MYO18B: variants seen among roughly 807,000 people sequenced by gnomAD.
The protein encoded by MYO18B is unconventional myosin-XVIIIb.
MYO18B carries 204 observed loss-of-function variants against 273.0 expected under a neutral mutation model. The ratio of observed to expected loss-of-function variants is 0.75; its 90% CI spans 0.67 to 0.84. The LOEUF (loss-of-function observed/expected upper bound fraction) is 0.84, where lower values mean the gene tolerates loss of function less well. Ranked by LOEUF, MYO18B falls within the 40% of genes least tolerant of loss-of-function variation. The pLI, the probability that MYO18B is intolerant of heterozygous loss-of-function variation, is 0.00. For missense variants in MYO18B, 3,212 were observed against 3,287.6 expected (o/e 0.98, Z 0.56); for synonymous variants, 1,330 against 1,305.7 (o/e 1.02, Z -0.40).
intron 38 of MYO18B, among the ~76,000 whole-genome samples, 183 bp downstream of exon 38, chr22:25,952,606 TA>T (rs1483602031): frequency 1.3e-5 from 2 of 152,286 alleles, no homozygotes; most frequent in East Asian, 3.9e-4. Context: ...TCAAGCCACC[TA>T]CCCATTTACC....
At chr22:25,745,170 C>T (rs929204208) in intron 1 of MYO18B, among the ~76,000 whole-genome samples, 1 of 152,100 alleles carries the variant, frequency 6.6e-6, no homozygotes, top group African/African-American at 2.4e-5. Flanking sequence ...TGTGCAGTGG[C>T]CCAATCTCGG....
chr22:25,745,367 C>T (rs2085746599), intron 1 of MYO18B, among the ~76,000 whole-genome samples: 1 of 152,098 alleles, frequency 6.6e-6, no homozygotes, highest in Non-Finnish European at 1.5e-5. Context: ...ACCTCAGCCT[C>T]CCAAAGTGTT....
chr22:25,769,201 C>A lies in MYO18B; in HGVS notation c.1285C>A (p.Pro429Thr). The change falls in exon 4 of 44, where the codon CCA (proline) becomes ACA (threonine). Residue 429 changes from proline (P) to threonine (T), a missense_variant. By Grantham distance (38) the Pro-to-Thr change is conservative. Transcript: ENST00000335473. ...PKEVSTMVESPAAPGKGGWPG... is the reference protein window; with the variant it reads ...PKEVSTMVESTAAPGKGGWPG... ...GGAGGTGAGCACAATGGTGGAGTCG[C>A]CAGCAGCTCCTGGGAAGGGAGGCTG... The A allele has an allele frequency of 6.2e-7, 1 of 1,607,804 alleles. No individual in the cohort carries two copies. The highest frequency in any genetic ancestry group is 8.5e-7 in the Non-Finnish European group (1 of 1,177,298).
chr22:25,819,814 T>A (rs1422484160), intron 12 of MYO18B, among the ~76,000 whole-genome samples: 1 of 152,106 alleles, frequency 6.6e-6, no homozygotes, highest in East Asian at 2.0e-4. Context: ...CAGCCTGTTT[T>A]CTGGTGACTT....
chr22:25,771,001 G>T lies in MYO18B; in HGVS notation c.1692+17G>T, dbSNP rs749363590. 2 of 1,525,460 alleles carry T rather than the reference G, an allele frequency of 1.3e-6. No individual in the cohort carries two copies. The highest frequency in any genetic ancestry group is 2.8e-5 in the African/African-American group (2 of 72,552). The allele number at this position is 1,525,460 out of a possible 1,614,324, so 94.5% of individuals were successfully genotyped here. A position where few individuals can be genotyped will look rare whatever the true frequency, so the allele number is the denominator to read the frequency against. On this transcript the variant is annotated intron_variant, in intron 6 of 43. Coordinates refer to ENST00000335473, the MANE Select transcript of MYO18B (RefSeq NM_032608.7). Reference sequence around the variant, plus strand: ...GTCCATCGGGTGAGTCCCCTGTCCCGCCGTCCCCCAGCATGAGTCCCCTGT... The same window carrying T: ...GTCCATCGGGTGAGTCCCCTGTCCCTCCGTCCCCCAGCATGAGTCCCCTGT...
At chr22:25,903,520 T>G in intron 30 of MYO18B, 111 bp from the exon 31 acceptor site, 1 of 1,124,210 alleles carries the variant, frequency 8.9e-7, no homozygotes, top group Non-Finnish European at 1.3e-6. Context: ...ATGGCAGGCA[T>G]TGGAAAGTGG....
intron 22 of MYO18B, among the ~76,000 whole-genome samples, chr22:25,869,449 C>CAAAAAAAAAAAAAAAAAAAAAAAAAGAAA: frequency 1.7e-5 from 1 of 58,120 alleles, no homozygotes. Flanking sequence ...TACTGTGTCT[C>CAAAAAAAAAAAAAAAAAAAAAAAAAGAAA]AAAAAAAAAA....
chr22:25,743,486 G>A (rs1364526486), intron 1 of MYO18B, among the ~76,000 whole-genome samples: 1 of 151,884 alleles, frequency 6.6e-6, no homozygotes, highest in African/African-American at 2.4e-5. Context: ...AAGAGGAGGA[G>A]GAGAAGGAGA....
chr22:25,879,638 G>A (rs1387702267), intron 25 of MYO18B, among the ~76,000 whole-genome samples: 1 of 152,162 alleles, frequency 6.6e-6, no homozygotes, highest in African/African-American at 2.4e-5. Flanking sequence ...ACTCCAAGAA[G>A]GTCACTGCAA....
intron 39 of MYO18B, 125 bp downstream of exon 39, chr22:25,955,489 A>G (rs2092839930): frequency 2.0e-6 from 2 of 1,013,304 alleles, no homozygotes; most frequent in Non-Finnish European, 2.7e-6. Context: ...GGGTGTGCGG[A>G]AAGCCAGGAG....
rs766364316 is a variant in MYO18B, at chr22:25,768,803, G to A, written c.887G>A (p.Gly296Glu). The change falls in exon 4 of 44, where the codon GGG becomes GAG. Residue 296 changes from glycine (G) to glutamate (E), a missense_variant. Transcript: ENST00000335473. The part of the protein sequence containing the change: ...GAEPTNTVEK[G>E]NVSKDVGSEG... Reference sequence around the variant, plus strand: ...GAGCCCACAAACACGGTGGAAAAGGGGAATGTCTCTAAGGACGTAGGGAGT... The same window carrying A: ...GAGCCCACAAACACGGTGGAAAAGGAGAATGTCTCTAAGGACGTAGGGAGT... The A allele has an allele frequency of 1.2e-6, 2 of 1,610,382 alleles. No homozygotes were observed. The highest frequency in any genetic ancestry group is 2.7e-5 in the African/African-American group (2 of 74,884).
At chr22:25,792,893 T>C (rs1047870583) in intron 11 of MYO18B, among the ~76,000 whole-genome samples, 1 of 152,210 alleles carries the variant, frequency 6.6e-6, no homozygotes, top group African/African-American at 2.4e-5. Flanking sequence ...TCAGTTCCTT[T>C]ACCCCTGCCC....
At chr22:25,959,005 A>G (rs558697532) in intron 39 of MYO18B, 1 of 152,222 alleles carries the variant, frequency 6.6e-6, no homozygotes, top group East Asian at 1.9e-4. Context: ...AACAGCACAC[A>G]CCTTTGCCCC....
At chr22:26,038,068 TC>T in the MYO18B span, among the ~76,000 whole-genome samples, 1 of 152,180 alleles carries the variant, frequency 6.6e-6, no homozygotes, top group Non-Finnish European at 1.5e-5. Context: ...AGAAGGAGCA[TC>T]TATTGCCTAA....
intron 12 of MYO18B, among the ~76,000 whole-genome samples, chr22:25,822,372 C>T (rs2089315465): frequency 6.6e-6 from 1 of 152,186 alleles, no homozygotes; most frequent in Admixed American, 6.5e-5. Context: ...TCTCAGCACC[C>T]TGCTTTAGTT....
chr22:25,990,468 T>G (rs1241477580), intron 39 of MYO18B, among the ~76,000 whole-genome samples: 1 of 151,898 alleles, frequency 6.6e-6, no homozygotes, highest in Admixed American at 6.6e-5. Context: ...GGTGAATCAC[T>G]TGAGGTCAGG....
intron 14 of MYO18B, 72 bp downstream of exon 14, chr22:25,826,571 T>C: frequency 2.2e-6 from 3 of 1,372,554 alleles, no homozygotes; most frequent in Non-Finnish European, 3.1e-6. Flanking sequence ...TACCGGGCAG[T>C]TGAACAAAGT....
intron 16 of MYO18B, among the ~76,000 whole-genome samples, chr22:25,834,521 T>C (rs1438977328): frequency 6.6e-6 from 1 of 152,182 alleles, no homozygotes; most frequent in Non-Finnish European, 1.5e-5. Flanking sequence ...CTGGTTTGCA[T>C]AGGACTTTCC....
chr22:25,833,929 C>T (rs1481665698), intron 16 of MYO18B, among the ~76,000 whole-genome samples: 1 of 152,118 alleles, frequency 6.6e-6, no homozygotes, highest in Admixed American at 6.5e-5. Flanking sequence ...CTGTACCCAT[C>T]ATTGCAAAGC....
Sources: allele counts gnomAD v4.1 joint callset (sites outside exome capture counted in the v4.1 genomes callset), GRCh38; gene constraint gnomAD v4.1.1; transcripts MANE v1.5; gene names NCBI Gene and HGNC (gene_info 2026-07-23, HGNC 2026-07-21).